Variants in SLC71A2 observed in about 807,000 individuals in gnomAD.
SLC71A2 encodes solute carrier family 71 member 2.
At chr9:94,391,922 T>C in the SLC71A2 span, among the ~76,000 whole-genome samples, 2 of 152,084 alleles carry the variant, frequency 1.3e-5, no homozygotes, top group Non-Finnish European at 2.9e-5. Flanking sequence ...CTCACTAAAT[T>C]GCCCAGGCTG....
At chr9:94,458,996 A>G in the SLC71A2 span, among the ~76,000 whole-genome samples, 3 of 152,196 alleles carry the variant, frequency 2.0e-5, no homozygotes, top group African/African-American at 7.2e-5. Context: ...TCATATTCCA[A>G]ACACCAAGCT....
chr9:94,396,384 A>T, the SLC71A2 span, among the ~76,000 whole-genome samples: 1 of 152,172 alleles, frequency 6.6e-6, no homozygotes, highest in African/African-American at 2.4e-5. Context: ...CTGTGGTGGC[A>T]CGCACCTGTA....
the SLC71A2 span, among the ~76,000 whole-genome samples, chr9:94,396,923 G>A: frequency 3.9e-5 from 6 of 152,006 alleles, no homozygotes; most frequent in Admixed American, 2.0e-4. Flanking sequence ...GGCATGCGCC[G>A]CCACACCCAG....
chr9:94,378,773 G>A, the SLC71A2 span, among the ~76,000 whole-genome samples: 1 of 152,028 alleles, frequency 6.6e-6, no homozygotes, highest in Non-Finnish European at 1.5e-5. Context: ...TTCAACATGA[G>A]ATTTGGAGGA....
At chr9:94,424,242 C>CG in the SLC71A2 span, among the ~76,000 whole-genome samples, 11,752 of 148,042 alleles carry the variant, frequency 0.079, 682 homozygotes, top group African/African-American at 0.16. Flanking sequence ...TTTTTTTTGG[C>CG]GGAGGGGGGA....
At chr9:94,415,419 A>G in the SLC71A2 span, among the ~76,000 whole-genome samples, 1 of 151,716 alleles carries the variant, frequency 6.6e-6, no homozygotes. Flanking sequence ...TCTGAACCAC[A>G]TGTAACACAA....
the SLC71A2 span, among the ~76,000 whole-genome samples, chr9:94,416,174 A>G: frequency 6.6e-6 from 1 of 152,182 alleles, no homozygotes; most frequent in African/African-American, 2.4e-5. Flanking sequence ...TTTTAATAAA[A>G]TATTTTAAAC....
chr9:94,390,171 G>A, the SLC71A2 span, among the ~76,000 whole-genome samples: 12 of 151,958 alleles, frequency 7.9e-5, no homozygotes, highest in African/African-American at 2.4e-4. Context: ...CCGAGATCGC[G>A]CCACTGCATT....
At chr9:94,404,625 T>G in the SLC71A2 span, among the ~76,000 whole-genome samples, 1 of 152,218 alleles carries the variant, frequency 6.6e-6, no homozygotes, top group Non-Finnish European at 1.5e-5. Flanking sequence ...ATGTGCTTCT[T>G]GGCCATTTGT....
chr9:94,390,409 C>G, the SLC71A2 span, among the ~76,000 whole-genome samples: 1 of 150,044 alleles, frequency 6.7e-6, no homozygotes, highest in East Asian at 1.9e-4. Flanking sequence ...GCCAGGACAT[C>G]TAAGTCATTA....
At chr9:94,413,073 ACT>A in the SLC71A2 span, among the ~76,000 whole-genome samples, 2 of 151,942 alleles carry the variant, frequency 1.3e-5, no homozygotes, top group East Asian at 1.9e-4. Context: ...ATTGAGGGAC[ACT>A]CTATAAAATT....
chr9:94,453,425 G>T, the SLC71A2 span, among the ~76,000 whole-genome samples: 1 of 152,144 alleles, frequency 6.6e-6, no homozygotes, highest in African/African-American at 2.4e-5. Flanking sequence ...TGGGATTACA[G>T]GCATGAGCCA....
chr9:94,400,521 AC>A, the SLC71A2 span, among the ~76,000 whole-genome samples: 1 of 149,958 alleles, frequency 6.7e-6, no homozygotes, highest in African/African-American at 2.5e-5. Flanking sequence ...AAAAAAAAAA[AC>A]AACTGATAAT....
At chr9:94,388,800 C>T in the SLC71A2 span, among the ~76,000 whole-genome samples, 2 of 151,858 alleles carry the variant, frequency 1.3e-5, no homozygotes, top group Non-Finnish European at 2.9e-5. Flanking sequence ...ACGTTTTCTA[C>T]TAAACATGTA....
the SLC71A2 span, among the ~76,000 whole-genome samples, chr9:94,447,446 C>T: frequency 6.7e-6 from 1 of 148,768 alleles, no homozygotes; most frequent in Non-Finnish European, 1.5e-5. Context: ...TCCCAAAATG[C>T]TGGGATTACA....
chr9:94,392,508 T>A, the SLC71A2 span, among the ~76,000 whole-genome samples: 36 of 40,142 alleles, frequency 9.0e-4, no homozygotes, highest in African/African-American at 2.8e-3. Flanking sequence ...TTAAAAGCAT[T>A]TTTTTTTTTT....
chr9:94,396,564 CTT>C, the SLC71A2 span, among the ~76,000 whole-genome samples: 13 of 152,194 alleles, frequency 8.5e-5, no homozygotes, highest in African/African-American at 2.9e-4. Context: ...GGTTGGCAAA[CTT>C]TTTTTGTAAA....
chr9:94,378,051 C>T, the SLC71A2 span, among the ~76,000 whole-genome samples: 2 of 151,420 alleles, frequency 1.3e-5, no homozygotes, highest in Non-Finnish European at 2.9e-5. Flanking sequence ...TTGCAGTGAG[C>T]TGAGATCGTG....
chr9:94,411,591 C>T, the SLC71A2 span, among the ~76,000 whole-genome samples: 2 of 144,758 alleles, frequency 1.4e-5, no homozygotes, highest in African/African-American at 2.5e-5. Flanking sequence ...ATTCGTTAGC[C>T]GATTTTTTTT....
Sources: allele counts gnomAD v4.1 joint callset (sites outside exome capture counted in the v4.1 genomes callset), GRCh38; gene constraint gnomAD v4.1.1; transcripts MANE v1.5; gene names NCBI Gene and HGNC (gene_info 2026-07-23, HGNC 2026-07-21).